Variants in MICAL3 observed in about 807,000 individuals in gnomAD.
MICAL3 encodes [F-actin]-monooxygenase MICAL3.
MICAL3 carries 62 observed loss-of-function variants against 207.4 expected under a neutral mutation model. That is an observed-to-expected ratio of 0.30 (90% CI 0.24 to 0.37). The LOEUF (loss-of-function observed/expected upper bound fraction) is 0.37. Ranked by LOEUF, MICAL3 falls within the 10% of genes least tolerant of loss-of-function variation. The pLI, the probability that MICAL3 is intolerant of heterozygous loss-of-function variation, is 1.00. For missense variants in MICAL3, 2,368 were observed against 2,635.6 expected (o/e 0.90, Z 2.22); for synonymous variants, 1,077 against 1,069.3 (o/e 1.01, Z -0.14).
At chr22:18,007,855 G>A (rs1456058985) in intron 1 of MICAL3, among the ~76,000 whole-genome samples, 1 of 144,706 alleles carries the variant, frequency 6.9e-6, no homozygotes, top group Non-Finnish European at 1.5e-5. Context: ...CCCGGGGGGT[G>A]GAGCTTGCAG....
At position 17,857,896 on chromosome 22, in the gene MICAL3, G is replaced by A. The variant is rs1008373045; in HGVS notation, c.2605+7003C>T. Among the ~76,000 whole-genome samples, 6 of 152,338 alleles carry A rather than the reference G, an allele frequency of 3.9e-5. No homozygotes were observed. The South Asian group carries it at 6.2e-4, about 16-fold the overall frequency. On this transcript the variant is annotated intron_variant, in intron 19 of 31. Transcript: ENST00000441493. ...GGAAAAGCACATCAGTGACAAGGTT[G>A]GGCTTAGCTAGCCTGAGTTAGGGTG...
intron 1 of MICAL3, among the ~76,000 whole-genome samples, chr22:17,995,649 G>A (rs1922195610): frequency 6.6e-6 from 1 of 151,680 alleles, no homozygotes; most frequent in Non-Finnish European, 1.5e-5. Context: ...GGGAATACAA[G>A]TGTGCAACAC....
intron 1 of MICAL3, among the ~76,000 whole-genome samples, chr22:17,974,658 A>G (rs1002404956): frequency 6.8e-6 from 1 of 147,278 alleles, no homozygotes; most frequent in African/African-American, 2.5e-5. Context: ...TGGTAGACAG[A>G]GGTTGTAGTG....
intron 19 of MICAL3, among the ~76,000 whole-genome samples, chr22:17,849,643 AATGTGT>A (rs1179622138): frequency 0.046 from 5,479 of 120,166 alleles, 367 homozygotes; most frequent in African/African-American, 0.13. Context: ...CCCAGAATGG[AATGTGT>A]GTGTGTGTGT....
intron 1 of MICAL3, among the ~76,000 whole-genome samples, chr22:17,985,787 G>C (rs1241141959): frequency 6.6e-6 from 1 of 152,078 alleles, no homozygotes; most frequent in Non-Finnish European, 1.5e-5. Flanking sequence ...GAGGCCACTC[G>C]CATCTTCACC....
chr22:17,968,643 T>C (rs1430078169), intron 1 of MICAL3, among the ~76,000 whole-genome samples: 1 of 152,176 alleles, frequency 6.6e-6, no homozygotes, highest in Non-Finnish European at 1.5e-5. Context: ...AAGAGTGATA[T>C]AATAATTACC....
chr22:17,843,401 T>G (rs960178244), intron 19 of MICAL3, among the ~76,000 whole-genome samples: 1 of 152,120 alleles, frequency 6.6e-6, no homozygotes, highest in African/African-American at 2.4e-5. Context: ...GTAATGTGAG[T>G]AGCACCGGGT....
At chr22:17,936,197 C>A (rs554864245) in intron 1 of MICAL3, among the ~76,000 whole-genome samples, 1 of 152,264 alleles carries the variant, frequency 6.6e-6, no homozygotes, top group South Asian at 2.1e-4. Flanking sequence ...CAATTATAGA[C>A]TGGATTAAGA....
intron 1 of MICAL3, among the ~76,000 whole-genome samples, chr22:17,925,455 T>C (rs1196220581): frequency 6.6e-6 from 1 of 152,180 alleles, no homozygotes; most frequent in Non-Finnish European, 1.5e-5. Context: ...GAGGGGATAT[T>C]TAATATCTCC....
intron 29 of MICAL3, among the ~76,000 whole-genome samples, chr22:17,805,353 G>A (rs1218613897): frequency 6.6e-6 from 1 of 152,260 alleles, no homozygotes. Context: ...CAGGGCCACG[G>A]GGAACTGTGA....
intron 16 of MICAL3, among the ~76,000 whole-genome samples, chr22:17,880,653 G>T (rs1279750445): frequency 6.6e-6 from 1 of 151,220 alleles, no homozygotes; most frequent in Non-Finnish European, 1.5e-5. Flanking sequence ...TCACTGGCCT[G>T]CTGTCCTCAC....
chr22:17,824,932 G>A (rs1366258968), intron 22 of MICAL3, among the ~76,000 whole-genome samples: 3 of 152,226 alleles, frequency 2.0e-5, no homozygotes, highest in African/African-American at 7.2e-5. Flanking sequence ...CAAACGCCCC[G>A]TTTGGAACAG....
intron 16 of MICAL3, among the ~76,000 whole-genome samples, chr22:17,877,911 GGCGC>G (rs1199186594): frequency 3.3e-5 from 5 of 151,808 alleles, no homozygotes; most frequent in Non-Finnish European, 7.4e-5. Context: ...GGAGTGCAGT[GGCGC>G]GATCTTGGCT....
chr22:17,979,264 C>A (rs1935795961), intron 1 of MICAL3, among the ~76,000 whole-genome samples: 2 of 150,814 alleles, frequency 1.3e-5, no homozygotes, highest in South Asian at 4.2e-4. Flanking sequence ...ATGTAAACGG[C>A]CCAGGTACAG....
chr22:17,819,983 A>G (rs189103447), intron 25 of MICAL3, among the ~76,000 whole-genome samples: 67 of 148,502 alleles, frequency 4.5e-4, no homozygotes, highest in Admixed American at 1.1e-3. Flanking sequence ...CAATCAGTGA[A>G]CAGGCTAGGT....
chr22:17,872,292 T>C (rs956984780), intron 16 of MICAL3, among the ~76,000 whole-genome samples: 2 of 152,128 alleles, frequency 1.3e-5, no homozygotes, highest in African/African-American at 4.8e-5. Flanking sequence ...GGAGCCAGCA[T>C]CACAGTGCTT....
At chr22:17,812,399 G>C (rs934115754) in intron 27 of MICAL3, 4 of 408,440 alleles carry the variant, frequency 9.8e-6, no homozygotes, top group East Asian at 1.6e-4. Flanking sequence ...CCCCATGCAC[G>C]CACAAACACA....
rs146157337 is a variant in MICAL3, at chr22:17,812,256, C to T, written c.5446-1443G>A. ...TCTGGGGTGCCCAGCCCCACAGCGGCAGCTGTGTCCCGACCCGAGGAACCT... is the reference window on the plus strand; with the variant it reads ...TCTGGGGTGCCCAGCCCCACAGCGGTAGCTGTGTCCCGACCCGAGGAACCT... On this transcript the variant is annotated intron_variant, in intron 27 of 31. Coordinates refer to ENST00000441493, the MANE Select transcript of MICAL3 (RefSeq NM_015241.3). Among the ~76,000 whole-genome samples the T allele has an allele frequency of 3.9e-3, 593 of 152,368 alleles. 4 individuals carry two copies. The highest frequency in any genetic ancestry group is 0.014 in the African/African-American group (564 of 41,590).
chr22:17,992,504 T>C (rs1379890492), intron 1 of MICAL3, among the ~76,000 whole-genome samples: 4 of 152,186 alleles, frequency 2.6e-5, no homozygotes, highest in South Asian at 4.1e-4. Context: ...ATCAACCTCT[T>C]GCAGACACAG....
Sources: gnomAD v4.1 joint callset for allele counts (sites outside exome capture counted in the v4.1 genomes callset) on GRCh38, gnomAD v4.1.1 for gene constraint, MANE v1.5 for transcripts, NCBI Gene and HGNC (gene_info 2026-07-23, HGNC 2026-07-21) for gene names.